PC: variants seen among roughly 807,000 people sequenced by gnomAD.
PC encodes pyruvate carboxylase, also known as pyruvate carboxylase, mitochondrial.
Under a neutral mutation model 107.8 loss-of-function variants are expected in PC, and 46 were observed. The observed-to-expected ratio is 0.43, with a 90% CI of 0.34 to 0.55. The LOEUF (loss-of-function observed/expected upper bound fraction) is 0.55, where lower values mean the gene tolerates loss of function less well. Among genes scored for constraint, PC ranks in the 20% least tolerant of loss-of-function variants. The pLI is 0.04. For synonymous variants in PC, 662 were observed against 684.7 expected, an observed-to-expected ratio of 0.97 and a Z score of 0.52; for missense variants, 1,241 against 1,643.1, an observed-to-expected ratio of 0.76 and a Z score of 4.23.
intron 3 of PC, among the ~76,000 whole-genome samples, chr11:66,933,131 G>A (rs185201737): frequency 1.3e-5 from 2 of 152,214 alleles, no homozygotes; most frequent in Admixed American, 6.5e-5. Flanking sequence ...GAAGCAAGGC[G>A]AAAGCTCCAA....
chr11:66,929,033 G>C (rs1298838848), intron 3 of PC, among the ~76,000 whole-genome samples: 1 of 152,136 alleles, frequency 6.6e-6, no homozygotes, highest in East Asian at 1.9e-4. Context: ...TTGAATGCTA[G>C]AATGGACTTA....
intron 3 of PC, among the ~76,000 whole-genome samples, chr11:66,923,486 G>A (rs540570070): frequency 6.6e-6 from 1 of 152,040 alleles, no homozygotes; most frequent in East Asian, 1.9e-4. Context: ...AGACAGCTAT[G>A]GAATACATAG....
intron 3 of PC, among the ~76,000 whole-genome samples, chr11:66,915,750 C>T (rs781739036): frequency 2.0e-5 from 3 of 152,188 alleles, no homozygotes; most frequent in Non-Finnish European, 4.4e-5. Flanking sequence ...TAAAGTCTCA[C>T]GCTAACGTAA....
intron 3 of PC, among the ~76,000 whole-genome samples, chr11:66,905,825 C>T (rs1373834214): frequency 6.6e-6 from 1 of 152,102 alleles, no homozygotes; most frequent in Non-Finnish European, 1.5e-5. Context: ...CCTCCCCACC[C>T]GAACCACGGG....
intron 3 of PC, among the ~76,000 whole-genome samples, chr11:66,935,752 A>C (rs1948983431): frequency 1.3e-5 from 2 of 152,162 alleles, no homozygotes; most frequent in Non-Finnish European, 2.9e-5. Flanking sequence ...ATCCATAAGC[A>C]GCAAAACCAC....
rs763082444 is a variant in PC, at chr11:66,858,496, C to G, written c.1369-5113G>C. 2.0e-6 allele frequency: 3 copies of G among 1,538,126 alleles called. No individual in the cohort carries two copies. Among genetic ancestry groups the G allele is most frequent in the Admixed American group, 2.0e-5 (1 of 51,088 alleles). ...CTGTGGCTGCGGCGGCTGGCGCGGC[C>G]GGACGACCTGGAAACGTGCGCCTCC... is the stretch of plus-strand genomic sequence containing the variant. On this transcript the variant is annotated intron_variant, in intron 12 of 22. Transcript: ENST00000393960. This position sits in a 1 kb window ranked among gnomAD's most constrained non-coding sequence, Gnocchi z 5.9.
chr11:66,858,760 G>T lies in PC; in HGVS notation c.1368+5014C>A, dbSNP rs1220019192. ...TTCCCCAACGGGACCTTAGAGATTGGGGTGACCGGCGCTGGGGACGCTGGG... is the reference window on the plus strand; with the variant it reads ...TTCCCCAACGGGACCTTAGAGATTGTGGTGACCGGCGCTGGGGACGCTGGG... On this transcript the variant is annotated intron_variant, in intron 12 of 22. Coordinates refer to ENST00000393960, the MANE Select transcript of PC (RefSeq NM_001040716.2). This position sits in a 1 kb window ranked among gnomAD's most constrained non-coding sequence, Gnocchi z 5.9. 1 of 1,553,024 alleles carries T rather than the reference G, an allele frequency of 6.4e-7. No individual in the cohort carries two copies.
At chr11:66,941,292 CTT>C (rs1192534685) in intron 3 of PC, among the ~76,000 whole-genome samples, 4 of 152,010 alleles carry the variant, frequency 2.6e-5, no homozygotes, top group Non-Finnish European at 1.5e-5. Context: ...ATAGCAGGCT[CTT>C]GAGAAATTAA....
At chr11:66,920,840 C>G (rs182389095) in intron 3 of PC, among the ~76,000 whole-genome samples, 15 of 152,044 alleles carry the variant, frequency 9.9e-5, no homozygotes, top group African/African-American at 3.1e-4. Flanking sequence ...AGGTTTGAGA[C>G]CAGACTGACC....
At chr11:66,907,751 T>C (rs1008483722) in intron 3 of PC, 1 of 152,230 alleles carries the variant, frequency 6.6e-6, no homozygotes, top group Non-Finnish European at 1.5e-5. Context: ...AGAGCAACAA[T>C]GGCCAGGATG....
chr11:66,869,035 G>A lies in PC; in HGVS notation c.904-71C>T, dbSNP rs1037443131. 7.7e-6 allele frequency: 9 copies of A among 1,175,704 alleles called. No individual in the cohort carries two copies. In the Admixed American group the frequency reaches 1.0e-4, roughly 14 times the overall value. 72.8% of individuals were successfully genotyped at this position (1,175,704 alleles called of 1,614,324 possible). A position where few individuals can be genotyped will look rare whatever the true frequency, so the allele number is the denominator to read the frequency against. ...GGGCAAACTCACTGGACTCAGGACA[G>A]GGATTCCGTCCCACCCATTGGGTTG... On this transcript the variant is annotated intron_variant, in intron 9 of 22. Coordinates refer to ENST00000393960, the MANE Select transcript of PC (RefSeq NM_001040716.2).
At position 66,918,406 on chromosome 11, in the gene PC, T is replaced by A. The variant is rs571857892; in HGVS notation, c.-1+34024A>T. ...CAAAATCTACTTTTTTTTTTTTTTT[T>A]AAAACAGAGTCTCGCTCTATTGCCC... is the stretch of plus-strand genomic sequence containing the variant. On this transcript the variant is annotated intron_variant, in intron 3 of 22. Coordinates refer to ENST00000393960, the MANE Select transcript of PC (RefSeq NM_001040716.2). 7.8e-4 allele frequency among the ~76,000 whole-genome samples: 118 copies of A among 151,154 alleles called. 1 individual carries two copies. The highest frequency in any genetic ancestry group is 1.6e-3 in the African/African-American group (67 of 41,266).
intron 3 of PC, among the ~76,000 whole-genome samples, chr11:66,882,004 G>A (rs1467650314): frequency 6.6e-6 from 1 of 152,182 alleles, no homozygotes; most frequent in Non-Finnish European, 1.5e-5. Context: ...TCACTGGCCT[G>A]GCCTCCAGCA....
chr11:66,874,603 G>A (rs1320688278), intron 3 of PC, among the ~76,000 whole-genome samples: 3 of 152,076 alleles, frequency 2.0e-5, no homozygotes, highest in Non-Finnish European at 2.9e-5. Context: ...AGAGGAGGAG[G>A]AGGAAAGACC....
intron 3 of PC, among the ~76,000 whole-genome samples, chr11:66,925,258 C>G (rs948704275): frequency 6.6e-6 from 1 of 152,026 alleles, no homozygotes; most frequent in Non-Finnish European, 1.5e-5. Context: ...ATTTATTAGG[C>G]GGGAATTTCC....
In PC at chr11:66,849,812, G is replaced by C; in HGVS notation, c.2946C>G (p.Leu982=). The C allele has an allele frequency of 1.2e-6, 2 of 1,613,986 alleles. No individual in the cohort carries two copies. The highest frequency in any genetic ancestry group is 1.7e-6 in the Non-Finnish European group (2 of 1,180,008). ...CCAGTGCCTGCAGATCCAGGGGAGGGAGGGAGGCTCCAGGCCGCCCCTCCA... is the reference window on the plus strand; with the variant it reads ...CCAGTGCCTGCAGATCCAGGGGAGGCAGGGAGGCTCCAGGCCGCCCCTCCA... The part of the protein sequence containing the change: ...PRVEGRPGAS[L]PPLDLQALEK... The change falls in exon 21 of 23, where the codon CTC becomes CTG. Residue 982 remains leucine, a synonymous_variant. Coordinates refer to ENST00000393960, the MANE Select transcript of PC (RefSeq NM_001040716.2).
rs1218544806 is a variant in PC, at chr11:66,872,050, A to T, written c.110T>A (p.Ile37Asn). 1.3e-6 allele frequency: 2 copies of T among 1,562,640 alleles called. No homozygotes were observed. Among genetic ancestry groups the T allele is most frequent in the Non-Finnish European group, 1.7e-6 (2 of 1,153,330 alleles). Residue 37 changes from isoleucine to asparagine, a missense_variant, in exon 4 of 23, where the codon ATC becomes AAC. Physicochemically the swap from Ile to Asn is moderately radical, Grantham distance 149. Transcript: ENST00000393960. ...TCTGTTGGCCACCATGACTTTCTTGATGGGCTTATACTCCAGGCGCCGGAC... is the reference window on the plus strand; with the variant it reads ...TCTGTTGGCCACCATGACTTTCTTGTTGGGCTTATACTCCAGGCGCCGGAC... ...PNVRRLEYKP[I>N]KKVMVANRGE...
chr11:66,953,222 C>T (rs1949480436), intron 2 of PC, among the ~76,000 whole-genome samples: 1 of 152,236 alleles, frequency 6.6e-6, no homozygotes, highest in African/African-American at 2.4e-5. Context: ...CCCACTCCGT[C>T]CAGCCTCAGG....
At chr11:66,931,966 A>C (rs1364795921) in intron 3 of PC, among the ~76,000 whole-genome samples, 7 of 151,156 alleles carry the variant, frequency 4.6e-5, no homozygotes, top group Non-Finnish European at 1.0e-4. Flanking sequence ...TTGCAGTGAG[A>C]CAAGATCACG....
Sources: gnomAD v4.1 joint callset for allele counts (sites outside exome capture counted in the v4.1 genomes callset) on GRCh38, gnomAD v4.1.1 for gene constraint, Gnocchi (gnomAD v3.1) non-coding constraint, MANE v1.5 for transcripts, NCBI Gene and HGNC (gene_info 2026-07-23, HGNC 2026-07-21) for gene names.